SKAP1: variants seen among roughly 807,000 people sequenced by gnomAD.
SKAP1 encodes src kinase-associated phosphoprotein 1.
In SKAP1, 44 loss-of-function variants were observed where a neutral mutation model predicts 58.5. The ratio of observed to expected loss-of-function variants is 0.75; its 90% CI spans 0.59 to 0.97. The LOEUF (loss-of-function observed/expected upper bound fraction) is 0.97, where lower values mean the gene tolerates loss of function less well. SKAP1 is among the 50% of genes least tolerant of loss of function. The pLI is 0.00. For missense variants in SKAP1, 390 were observed against 435.2 expected (o/e 0.90, Z 0.92); for synonymous variants, 127 against 149.7 (o/e 0.85, Z 1.11).
chr17:48,374,141 C>T (rs1477787249), intron 2 of SKAP1, among the ~76,000 whole-genome samples: 2 of 151,944 alleles, frequency 1.3e-5, no homozygotes, highest in Non-Finnish European at 2.9e-5. Context: ...CTCAAGCCAT[C>T]GTTCCACCTT....
chr17:48,193,755 T>A (rs907524019), intron 4 of SKAP1: 7 of 984,106 alleles, frequency 7.1e-6, no homozygotes, highest in South Asian at 4.7e-5. Flanking sequence ...AGGAATCTTG[T>A]ATGCCTGGAT....
At chr17:48,246,727 T>C (rs930921355) in intron 4 of SKAP1, among the ~76,000 whole-genome samples, 20 of 152,200 alleles carry the variant, frequency 1.3e-4, no homozygotes, top group African/African-American at 4.1e-4. Context: ...CCAATCCTGC[T>C]GGTCTTTTTC....
intron 4 of SKAP1, among the ~76,000 whole-genome samples, chr17:48,198,891 A>C (rs1598419769): frequency 1.3e-5 from 2 of 152,204 alleles, no homozygotes; most frequent in East Asian, 3.8e-4. Flanking sequence ...TCCTGATACA[A>C]ATTAAGGCAG....
the SKAP1 span, among the ~76,000 whole-genome samples, chr17:48,438,378 A>G: frequency 6.6e-6 from 1 of 152,346 alleles, no homozygotes; most frequent in East Asian, 1.9e-4. Context: ...CAATAAATAT[A>G]TATACAAATT....
chr17:48,363,781 G>C lies in SKAP1; in HGVS notation c.178+8C>G, dbSNP rs1036299812. The C allele has an allele frequency of 6.2e-7, 1 of 1,604,534 alleles. No individual in the cohort carries two copies. On this transcript the variant is annotated splice_region_variant and intron_variant, in intron 3 of 12. Coordinates refer to ENST00000336915, the MANE Select transcript of SKAP1 (RefSeq NM_003726.4). ...GCATAAAACCATACGTGGTCAAAGA[G>C]GACTCACCTTGGGGCTGAAAATCCC...
chr17:48,187,983 C>A, intron 5 of SKAP1, 57 bp from the exon 6 acceptor site: 2 of 1,270,166 alleles, frequency 1.6e-6, no homozygotes, highest in South Asian at 2.4e-5. Context: ...ATTGAAGAGT[C>A]TGTAAAATCC....
chr17:48,407,103 T>C (rs369767971), intron 1 of SKAP1, among the ~76,000 whole-genome samples: 3 of 152,196 alleles, frequency 2.0e-5, no homozygotes, highest in Non-Finnish European at 4.4e-5. Context: ...TACTCCTACA[T>C]ATATTATGAG....
chr17:48,268,549 T>C (rs1028817076), intron 4 of SKAP1, among the ~76,000 whole-genome samples: 71 of 152,120 alleles, frequency 4.7e-4, no homozygotes, highest in African/African-American at 1.7e-3. Flanking sequence ...TGGAGTGCAG[T>C]GGCGTGATCT....
chr17:48,185,436 T>C (rs2064436092), intron 6 of SKAP1, among the ~76,000 whole-genome samples: 1 of 151,976 alleles, frequency 6.6e-6, no homozygotes, highest in Non-Finnish European at 1.5e-5. Context: ...TAACGTTGAG[T>C]ATTATTAGAT....
chr17:48,186,118 T>C (rs1372974839), intron 6 of SKAP1: 1 of 152,146 alleles, frequency 6.6e-6, no homozygotes, highest in Non-Finnish European at 1.5e-5. Flanking sequence ...GATGAACATA[T>C]TTACAGTGAG....
intron 4 of SKAP1, among the ~76,000 whole-genome samples, chr17:48,299,489 T>G (rs1040195674): frequency 6.6e-6 from 1 of 152,182 alleles, no homozygotes; most frequent in Admixed American, 6.5e-5. Context: ...TGTGGCACAT[T>G]AAGACACAGT....
chr17:48,276,409 T>C (rs2065701959), intron 4 of SKAP1, among the ~76,000 whole-genome samples: 1 of 152,228 alleles, frequency 6.6e-6, no homozygotes. Context: ...AACACTAATA[T>C]ATCTTAATGA....
intron 4 of SKAP1, among the ~76,000 whole-genome samples, chr17:48,216,368 T>C (rs976465094): frequency 6.6e-6 from 1 of 152,216 alleles, no homozygotes; most frequent in Non-Finnish European, 1.5e-5. Context: ...TGATAGAGTG[T>C]GTGATAACTG....
intron 4 of SKAP1, among the ~76,000 whole-genome samples, chr17:48,205,472 T>C (rs1463961792): frequency 6.6e-6 from 1 of 152,036 alleles, no homozygotes; most frequent in Non-Finnish European, 1.5e-5. Context: ...TAAAAAGTAT[T>C]AGAACACAGA....
chr17:48,320,206 A>G (rs948130957), intron 4 of SKAP1, among the ~76,000 whole-genome samples: 1 of 152,202 alleles, frequency 6.6e-6, no homozygotes, highest in African/African-American at 2.4e-5. Flanking sequence ...TAACAATTCA[A>G]GAACATGTCA....
intron 4 of SKAP1, among the ~76,000 whole-genome samples, chr17:48,319,976 C>A (rs2066340247): frequency 6.6e-6 from 1 of 151,976 alleles, no homozygotes; most frequent in African/African-American, 2.4e-5. Flanking sequence ...TGATAACCAT[C>A]TATTAAATGG....
chr17:48,389,257 C>CT (rs2067315867), intron 2 of SKAP1, among the ~76,000 whole-genome samples: 1 of 152,178 alleles, frequency 6.6e-6, no homozygotes, highest in East Asian at 1.9e-4. Context: ...ACAGTAAGAG[C>CT]TGCCACAGGG....
chr17:48,171,426 A>T (rs1300359116), intron 9 of SKAP1, among the ~76,000 whole-genome samples: 1 of 152,088 alleles, frequency 6.6e-6, no homozygotes, highest in Non-Finnish European at 1.5e-5. Flanking sequence ...TCTTAAAAAA[A>T]ATATTAATTT....
the SKAP1 span, among the ~76,000 whole-genome samples, chr17:48,440,417 CA>C: frequency 2.0e-5 from 3 of 152,198 alleles, no homozygotes; most frequent in Non-Finnish European, 4.4e-5. Flanking sequence ...ACAGTCATAT[CA>C]ATATCTGGCA....
Sources: gnomAD v4.1 joint callset for allele counts (sites outside exome capture counted in the v4.1 genomes callset) on GRCh38, gnomAD v4.1.1 for gene constraint, MANE v1.5 for transcripts, NCBI Gene and HGNC (gene_info 2026-07-23, HGNC 2026-07-21) for gene names.